SCAMP1: variants seen among roughly 807,000 people sequenced by gnomAD.
The protein encoded by SCAMP1 is secretory carrier-associated membrane protein 1.
In SCAMP1, 15 loss-of-function variants were observed where a neutral mutation model predicts 41.8. The observed-to-expected ratio is 0.36, with a 90% CI of 0.24 to 0.55. The LOEUF is 0.55. Ranked by LOEUF, SCAMP1 falls within the 20% of genes least tolerant of loss-of-function variation. The pLI is 0.86. For missense variants in SCAMP1, 341 were observed against 412.6 expected (o/e 0.83, Z 1.50); for synonymous variants, 135 against 136.8 (o/e 0.99, Z 0.09).
intron 4 of SCAMP1, among the ~76,000 whole-genome samples, chr5:78,417,785 A>G (rs1324487850): frequency 6.6e-6 from 1 of 152,184 alleles, no homozygotes. Flanking sequence ...CTTCTCAAAT[A>G]GTATGAGATT....
intron 6 of SCAMP1, among the ~76,000 whole-genome samples, chr5:78,434,707 T>A (rs1236077672): frequency 3.3e-5 from 5 of 152,224 alleles, no homozygotes; most frequent in Admixed American, 3.3e-4. Flanking sequence ...AATCCTCTTG[T>A]GCTATATGGC....
chr5:78,439,396 G>T (rs1053670121), intron 6 of SCAMP1, among the ~76,000 whole-genome samples: 34 of 152,278 alleles, frequency 2.2e-4, no homozygotes, highest in African/African-American at 7.5e-4. Flanking sequence ...AGGAGCTCTT[G>T]TAAGGCAGGC....
intron 5 of SCAMP1, among the ~76,000 whole-genome samples, chr5:78,419,415 TAATA>T (rs1197250975): frequency 6.6e-6 from 1 of 152,240 alleles, no homozygotes; most frequent in Non-Finnish European, 1.5e-5. Context: ...AGTGCTTAAT[TAATA>T]CAGGACATTT....
At chr5:78,419,125 A>G (rs1330514625) in intron 5 of SCAMP1, among the ~76,000 whole-genome samples, 1 of 152,166 alleles carries the variant, frequency 6.6e-6, no homozygotes, top group African/African-American at 2.4e-5. Flanking sequence ...TATGTTGAGA[A>G]CTGGCATTCT....
chr5:78,454,663 G>A (rs1753337932), intron 7 of SCAMP1, among the ~76,000 whole-genome samples: 1 of 152,106 alleles, frequency 6.6e-6, no homozygotes, highest in Admixed American at 6.6e-5. Flanking sequence ...TTGTGTCTCT[G>A]CCAGGCTTTG....
At chr5:78,428,405 T>A (rs1404651297) in intron 6 of SCAMP1, among the ~76,000 whole-genome samples, 1 of 152,218 alleles carries the variant, frequency 6.6e-6, no homozygotes, top group African/African-American at 2.4e-5. Context: ...TTGAATTGTT[T>A]GGACACTTTT....
At chr5:78,414,023 T>A (rs1239335181) in intron 2 of SCAMP1, among the ~76,000 whole-genome samples, 1 of 151,872 alleles carries the variant, frequency 6.6e-6, no homozygotes, top group East Asian at 1.9e-4. Context: ...CCCATCCTTG[T>A]TTTTTGTTTT....
intron 6 of SCAMP1, among the ~76,000 whole-genome samples, chr5:78,434,060 T>G (rs529185556): frequency 1.3e-4 from 20 of 152,144 alleles, no homozygotes; most frequent in Admixed American, 2.0e-4. Context: ...AAAGGGGAGT[T>G]TTGGTGGCTG....
intron 6 of SCAMP1, among the ~76,000 whole-genome samples, chr5:78,447,882 CCTCCCCCTT>C: frequency 1.5e-5 from 1 of 64,590 alleles, no homozygotes; most frequent in Non-Finnish European, 3.2e-5. Context: ...CCTACCCCTT[CCTCCCCCTT>C]CTCCCTCCTC....
At chr5:78,373,069 A>G (rs1645391554) in intron 1 of SCAMP1, among the ~76,000 whole-genome samples, 1 of 152,128 alleles carries the variant, frequency 6.6e-6, no homozygotes, top group African/African-American at 2.4e-5. Flanking sequence ...AACCTTAAGC[A>G]GTGTGGTTCC....
intron 1 of SCAMP1, among the ~76,000 whole-genome samples, chr5:78,380,581 C>T (rs1580649147): frequency 6.6e-6 from 1 of 151,860 alleles, no homozygotes; most frequent in South Asian, 2.1e-4. Flanking sequence ...TTTGAACTAT[C>T]TTTATGCTTA....
intron 8 of SCAMP1, among the ~76,000 whole-genome samples, chr5:78,466,800 C>G (rs1021267588): frequency 6.6e-6 from 1 of 152,022 alleles, no homozygotes; most frequent in Non-Finnish European, 1.5e-5. Flanking sequence ...TTTGCGGGGC[C>G]GAGCAGTCGT....
At chr5:78,453,078 G>C (rs1753283151) in intron 7 of SCAMP1, among the ~76,000 whole-genome samples, 1 of 149,208 alleles carries the variant, frequency 6.7e-6, no homozygotes, top group South Asian at 2.1e-4. Flanking sequence ...GTAGATTCTG[G>C]ATATTAGCCC....
At chr5:78,381,806 A>G (rs555310567) in intron 1 of SCAMP1, among the ~76,000 whole-genome samples, 1 of 152,340 alleles carries the variant, frequency 6.6e-6, no homozygotes, top group South Asian at 2.1e-4. Flanking sequence ...AGGGAGAAAG[A>G]TGTTTCTCAT....
chr5:78,441,694 G>T, intron 6 of SCAMP1, among the ~76,000 whole-genome samples: 1 of 152,162 alleles, frequency 6.6e-6, no homozygotes, highest in East Asian at 1.9e-4. Flanking sequence ...CAGGCATGGT[G>T]GCACGTGCCT....
chr5:78,402,959 A>G (rs970177685), intron 2 of SCAMP1, among the ~76,000 whole-genome samples: 1 of 151,334 alleles, frequency 6.6e-6, no homozygotes, highest in African/African-American at 2.4e-5. Context: ...GCTCACTGCA[A>G]CCTCCGCCTT....
At chr5:78,398,825 G>A (rs887630867) in intron 2 of SCAMP1, among the ~76,000 whole-genome samples, 4 of 152,070 alleles carry the variant, frequency 2.6e-5, no homozygotes, top group Admixed American at 1.3e-4. Context: ...GATTACAGGC[G>A]TGAGCCACCG....
chr5:78,381,140 TATC>T (rs895563843), intron 1 of SCAMP1, among the ~76,000 whole-genome samples: 13 of 152,332 alleles, frequency 8.5e-5, no homozygotes, highest in African/African-American at 3.1e-4. Flanking sequence ...GCATGAAGAT[TATC>T]ATCGTTCAGG....
chr5:78,439,286 A>G (rs1320133742), intron 6 of SCAMP1, among the ~76,000 whole-genome samples: 5 of 152,102 alleles, frequency 3.3e-5, no homozygotes, highest in Admixed American at 2.6e-4. Context: ...TTGCCTGTTA[A>G]TTGATGCAGT....
Sources: gnomAD v4.1 joint callset for allele counts (sites outside exome capture counted in the v4.1 genomes callset) on GRCh38, gnomAD v4.1.1 for gene constraint, MANE v1.5 for transcripts, NCBI Gene and HGNC (gene_info 2026-07-23, HGNC 2026-07-21) for gene names.